MAP7: variants seen among roughly 807,000 people sequenced by gnomAD.
The protein encoded by MAP7 is microtubule associated protein 7, also known as ensconsin.
A neutral mutation model predicts 94.8 loss-of-function variants in MAP7; 52 were observed. The observed-to-expected ratio is 0.55, with a 90% confidence interval of 0.44 to 0.69. MAP7 has a LOEUF of 0.69. Ranked by LOEUF, MAP7 falls within the 30% of genes least tolerant of loss-of-function variation. MAP7 has a pLI of 0.00. For synonymous variants in MAP7, 350 were observed against 357.0 expected, an observed-to-expected ratio of 0.98 and a Z score of 0.22; for missense variants, 940 against 964.6, an observed-to-expected ratio of 0.97 and a Z score of 0.34.
Position 136,421,686 on chromosome 6 carries a change from T to C in MAP7, c.166+15A>G. The stretch of plus-strand genomic sequence containing the variant: ...ATAACCTTTATTTTCCCACAGTTAA[T>C]GCAATGCATCATACCTGGTTTATTT... On this transcript the variant is annotated intron_variant, in intron 2 of 17. Coordinates refer to ENST00000354570, the MANE Select transcript of MAP7 (RefSeq NM_003980.6). 6.3e-7 allele frequency: 1 copy of C among 1,599,188 alleles called. No homozygotes were observed. The highest frequency in any genetic ancestry group is 8.6e-7 in the Non-Finnish European group (1 of 1,166,542).
chr6:136,483,025 T>C (rs927337476), intron 1 of MAP7, among the ~76,000 whole-genome samples: 2 of 152,048 alleles, frequency 1.3e-5, no homozygotes, highest in African/African-American at 4.8e-5. Flanking sequence ...TCTGCTTGTC[T>C]TATTAATTAC....
At chr6:136,372,258 G>C (rs984812602) in intron 8 of MAP7, among the ~76,000 whole-genome samples, 1 of 152,172 alleles carries the variant, frequency 6.6e-6, no homozygotes, top group African/African-American at 2.4e-5. Flanking sequence ...ATACATGCTT[G>C]AACAAAGAAC....
chr6:136,358,856 G>A (rs1444775998), intron 15 of MAP7, among the ~76,000 whole-genome samples: 1 of 152,188 alleles, frequency 6.6e-6, no homozygotes, highest in Non-Finnish European at 1.5e-5. Context: ...AGAATCAGGA[G>A]CTGGGGGACC....
Position 136,342,864 on chromosome 6 carries a change from A to C in MAP7, c.*1364T>G, listed in dbSNP as rs986525596. On this transcript the variant is annotated 3_prime_UTR_variant, in exon 18 of 18. Coordinates refer to ENST00000354570, the MANE Select transcript of MAP7 (RefSeq NM_003980.6). The stretch of plus-strand genomic sequence containing the variant: ...ACATGGACAACTGAAAACAGGGAAA[A>C]CCCCCAAATTAATGTTTTCACAAAT... 2.0e-5 allele frequency: 3 copies of C among 152,164 alleles called. No individual in the cohort carries two copies. The highest frequency in any genetic ancestry group is 4.4e-5 in the Non-Finnish European group (3 of 68,036). 9.4% of individuals were successfully genotyped at this position (152,164 alleles called of 1,614,324 possible).
At chr6:136,347,132 T>C (rs1787925931) in intron 16 of MAP7, among the ~76,000 whole-genome samples, 2 of 152,266 alleles carry the variant, frequency 1.3e-5, no homozygotes, top group Non-Finnish European at 2.9e-5. Flanking sequence ...TATTATGCTT[T>C]ACAATGTAGC....
chr6:136,497,213 G>T (rs1345020761), intron 1 of MAP7, among the ~76,000 whole-genome samples: 1 of 151,894 alleles, frequency 6.6e-6, no homozygotes, highest in Non-Finnish European at 1.5e-5. Flanking sequence ...AGAATGACTG[G>T]CTTATTTAGG....
chr6:136,450,408 TCTAC>T (rs1404711276), intron 1 of MAP7, among the ~76,000 whole-genome samples: 3 of 152,078 alleles, frequency 2.0e-5, no homozygotes, highest in African/African-American at 7.2e-5. Flanking sequence ...ATGGAATATT[TCTAC>T]CTGATTAAAT....
At chr6:136,525,978 GTT>G (rs5880298) in intron 1 of MAP7, 1,446 of 1,217,712 alleles carry the variant, frequency 1.2e-3, no homozygotes, top group East Asian at 8.5e-3. Flanking sequence ...GCTGCTACTT[GTT>G]TTTTTTTTTT....
chr6:136,504,880 A>G (rs148197666), intron 1 of MAP7, among the ~76,000 whole-genome samples: 1 of 151,234 alleles, frequency 6.6e-6, no homozygotes, highest in East Asian at 2.0e-4. Context: ...AGGTTTTGCC[A>G]TGTTGGCCAG....
chr6:136,388,146 C>T (rs1225491415), intron 5 of MAP7, among the ~76,000 whole-genome samples: 2 of 152,082 alleles, frequency 1.3e-5, no homozygotes, highest in Non-Finnish European at 2.9e-5. Context: ...TATTTAGAAA[C>T]ACTACATAGA....
chr6:136,345,847 C>A lies in MAP7; in HGVS notation c.2239+9G>T, dbSNP rs1394107775. ...GATGACTACAGAAGGGAGTTGGAGG[C>A]AAGCTTACCTGCAGTCTGCTGTGTC... On this transcript the variant is annotated intron_variant, in intron 17 of 17. Coordinates refer to ENST00000354570, the MANE Select transcript of MAP7 (RefSeq NM_003980.6). 1 of 1,610,876 alleles carries A rather than the reference C, an allele frequency of 6.2e-7. No individual in the cohort carries two copies. Among genetic ancestry groups the A allele is most frequent in the Admixed American group, 1.7e-5 (1 of 60,016 alleles).
intron 2 of MAP7, among the ~76,000 whole-genome samples, chr6:136,417,786 T>C (rs770070437): frequency 6.6e-6 from 1 of 152,160 alleles, no homozygotes; most frequent in Non-Finnish European, 1.5e-5. Context: ...CCGTGTGGCA[T>C]CAGAGAAGGG....
chr6:136,467,764 T>C (rs1468750908), intron 1 of MAP7, among the ~76,000 whole-genome samples: 3 of 152,124 alleles, frequency 2.0e-5, no homozygotes, highest in African/African-American at 7.2e-5. Flanking sequence ...AACATGTGAC[T>C]TGGGGGCCAG....
intron 3 of MAP7, among the ~76,000 whole-genome samples, chr6:136,409,330 G>A (rs953859772): frequency 1.3e-5 from 2 of 151,812 alleles, no homozygotes; most frequent in African/African-American, 4.8e-5. Flanking sequence ...GTAGCGCACC[G>A]TGATCACACC....
chr6:136,358,731 G>A (rs1181406074), intron 15 of MAP7, among the ~76,000 whole-genome samples: 1 of 152,154 alleles, frequency 6.6e-6, no homozygotes, highest in African/African-American at 2.4e-5. Context: ...CAGTACCTCT[G>A]GTCTTTTCTT....
intron 2 of MAP7, chr6:136,420,203 G>A (rs1790858412): frequency 1.9e-6 from 2 of 1,025,930 alleles, no homozygotes; most frequent in Non-Finnish European, 3.1e-6. Flanking sequence ...TGGATCTTGT[G>A]TTCAGGCATT....
At chr6:136,469,883 G>A (rs1235255937) in intron 1 of MAP7, among the ~76,000 whole-genome samples, 1 of 152,160 alleles carries the variant, frequency 6.6e-6, no homozygotes, top group Non-Finnish European at 1.5e-5. Flanking sequence ...AATGGGAGTT[G>A]GTGAATTATA....
intron 8 of MAP7, among the ~76,000 whole-genome samples, chr6:136,369,583 G>GAT (rs1795104611): frequency 4.6e-5 from 6 of 130,626 alleles, no homozygotes; most frequent in Non-Finnish European, 1.0e-4. Context: ...AAAAAAAAAA[G>GAT]ATATATAGAC....
chr6:136,433,824 C>G (rs999963501), intron 1 of MAP7, among the ~76,000 whole-genome samples: 1 of 152,208 alleles, frequency 6.6e-6, no homozygotes, highest in African/African-American at 2.4e-5. Context: ...AAGAACACTT[C>G]CTGGCCAACT....
Sources: gnomAD v4.1 joint callset for allele counts (sites outside exome capture counted in the v4.1 genomes callset) on GRCh38, gnomAD v4.1.1 for gene constraint, MANE v1.5 for transcripts, NCBI Gene and HGNC (gene_info 2026-07-23, HGNC 2026-07-21) for gene names.